The following STON2 variants were observed in gnomAD, a reference collection of about 807,000 sequenced individuals.
STON2 encodes the protein stonin 2.
Under a neutral mutation model 65.7 loss-of-function variants are expected in STON2, and 29 were observed. The ratio of observed to expected loss-of-function variants is 0.44; its 90% CI spans 0.33 to 0.60. The LOEUF (loss-of-function observed/expected upper bound fraction) is 0.60. Among genes scored for constraint, STON2 ranks in the 20% least tolerant of loss-of-function variants. The pLI is 0.03. For synonymous variants in STON2, 404 were observed against 414.2 expected (o/e 0.98, Z 0.30); for missense variants, 1,054 against 1,118.1 (o/e 0.94, Z 0.82).
intron 4 of STON2, among the ~76,000 whole-genome samples, chr14:81,366,233 G>C (rs971732810): frequency 6.6e-6 from 1 of 150,632 alleles, no homozygotes. Context: ...GCTGATCACA[G>C]AGTCTTTCCC....
intron 4 of STON2, among the ~76,000 whole-genome samples, chr14:81,340,737 G>A (rs563869477): frequency 2.0e-5 from 3 of 152,030 alleles, no homozygotes; most frequent in Non-Finnish European, 4.4e-5. Flanking sequence ...ACACCAACTC[G>A]CACTAACGGT....
At chr14:81,295,441 G>A (rs564788137) in intron 5 of STON2, among the ~76,000 whole-genome samples, 8 of 152,322 alleles carry the variant, frequency 5.3e-5, no homozygotes, top group South Asian at 2.1e-4. Flanking sequence ...ATGGATCTGC[G>A]TTGAGAGTCT....
intron 4 of STON2, among the ~76,000 whole-genome samples, chr14:81,350,302 C>T (rs1170712411): frequency 1.3e-5 from 2 of 152,076 alleles, no homozygotes; most frequent in Non-Finnish European, 2.9e-5. Context: ...TGTATTAAAA[C>T]ACCACATATA....
intron 4 of STON2, among the ~76,000 whole-genome samples, chr14:81,354,668 G>C (rs1898153298): frequency 1.3e-5 from 2 of 152,178 alleles, no homozygotes; most frequent in South Asian, 4.2e-4. Flanking sequence ...CAAAAAAATA[G>C]AAACAACAAC....
intron 1 of STON2, among the ~76,000 whole-genome samples, chr14:81,430,732 T>C (rs1021676393): frequency 1.3e-5 from 2 of 152,172 alleles, no homozygotes; most frequent in Non-Finnish European, 1.5e-5. Context: ...TGAAAAAACA[T>C]ATATATATGA....
At chr14:81,342,263 T>A (rs1320108750) in intron 4 of STON2, among the ~76,000 whole-genome samples, 1 of 151,960 alleles carries the variant, frequency 6.6e-6, no homozygotes, top group South Asian at 2.1e-4. Context: ...GCCTCCTGAG[T>A]AGCTGGGATT....
intron 1 of STON2, among the ~76,000 whole-genome samples, chr14:81,431,414 G>C (rs950647941): frequency 6.6e-6 from 1 of 152,162 alleles, no homozygotes; most frequent in African/African-American, 2.4e-5. Flanking sequence ...GAAGCAGGCG[G>C]ATCACTTGCG....
chr14:81,270,612 G>C (rs2140099649), intron 7 of STON2, 58 bp downstream of exon 7: 1 of 1,614,004 alleles, frequency 6.2e-7, no homozygotes. Flanking sequence ...AAGAGGGGGA[G>C]GGTAGTGGGG....
chr14:81,431,562 TG>T (rs1902226049), intron 1 of STON2, among the ~76,000 whole-genome samples: 1 of 152,086 alleles, frequency 6.6e-6, no homozygotes, highest in Non-Finnish European at 1.5e-5. Flanking sequence ...ACACATTACC[TG>T]AGATCAGGAG....
Position 81,262,093 on chromosome 14 carries a change from C to T in STON2, c.*6321G>A, listed in dbSNP as rs1894173348. 2.0e-6 allele frequency: 2 copies of T among 985,230 alleles called. No homozygotes were observed. The highest frequency in any genetic ancestry group is 1.7e-5 in the African/African-American group (1 of 57,290). 61.0% of individuals were successfully genotyped at this position (985,230 alleles called of 1,614,324 possible). ...ACCAATGGATATTTTGTAAAATAAC[C>T]CACAACTTTAGAGCTGGAAAGGACT... On this transcript the variant is annotated 3_prime_UTR_variant, in exon 8 of 8. Transcript: ENST00000614646.
chr14:81,288,230 G>A (rs1895415503), intron 5 of STON2, among the ~76,000 whole-genome samples: 1 of 152,168 alleles, frequency 6.6e-6, no homozygotes, highest in African/African-American at 2.4e-5. Context: ...ACTGTAGAGT[G>A]TATCGCCATT....
rs759299089 is a variant in STON2 at position 81,277,062 on chromosome 14, T to C, written c.2420A>G (p.Glu807Gly). The part of the protein sequence containing the change: ...KNFRRESVLG[E>G]KSLKAKVNRG... ...GTTCACTTTGGCTTTCAAAGACTTT[T>C]CCCCCAGGACACTTTCCCTGCGGAA... Residue 807 changes from glutamate to glycine, a missense_variant, in exon 6 of 8, where the codon GAA becomes GGA. Physicochemically the swap from Glu to Gly is moderately conservative, Grantham distance 98. Coordinates refer to ENST00000614646, the MANE Select transcript of STON2 (RefSeq NM_001394390.1). The C allele has an allele frequency of 6.2e-6, 10 of 1,614,116 alleles. No individual in the cohort carries two copies. Among genetic ancestry groups the C allele is most frequent in the Non-Finnish European group, 8.5e-6 (10 of 1,180,026 alleles).
chr14:81,355,414 ACAAAGGGGTCC>A (rs1201784894), intron 4 of STON2, among the ~76,000 whole-genome samples: 2 of 152,190 alleles, frequency 1.3e-5, no homozygotes, highest in Non-Finnish European at 2.9e-5. Flanking sequence ...TACATCACAT[ACAAAGGGGTCC>A]CAATACAACT....
intron 5 of STON2, among the ~76,000 whole-genome samples, chr14:81,281,084 C>A (rs1176602643): frequency 6.6e-6 from 1 of 151,122 alleles, no homozygotes; most frequent in East Asian, 1.9e-4. Context: ...TACATATACA[C>A]ATATCCATAC....
At chr14:81,416,342 G>A (rs1901430366) in intron 2 of STON2, among the ~76,000 whole-genome samples, 1 of 152,198 alleles carries the variant, frequency 6.6e-6, no homozygotes, top group Non-Finnish European at 1.5e-5. Flanking sequence ...ATGGCATTCA[G>A]GAAGTGAAAG....
chr14:81,307,096 G>C (rs544841217), intron 5 of STON2, among the ~76,000 whole-genome samples: 1 of 152,298 alleles, frequency 6.6e-6, no homozygotes, highest in East Asian at 1.9e-4. Flanking sequence ...TCATCTCAGT[G>C]ATCACTCCCT....
intron 4 of STON2, among the ~76,000 whole-genome samples, chr14:81,341,857 C>T (rs941455140): frequency 6.6e-6 from 1 of 152,154 alleles, no homozygotes; most frequent in Admixed American, 6.5e-5. Context: ...ATCTTCATGT[C>T]GTAAAATCAC....
intron 5 of STON2, chr14:81,323,442 C>T (rs1397627327): frequency 7.1e-6 from 1 of 141,740 alleles, no homozygotes; most frequent in Non-Finnish European, 1.5e-5. Context: ...TTTTTTCTTC[C>T]CATTAGCACC....
At chr14:81,356,177 G>T (rs7159591) in intron 4 of STON2, among the ~76,000 whole-genome samples, 3 of 152,026 alleles carry the variant, frequency 2.0e-5, no homozygotes, top group African/African-American at 7.3e-5. Context: ...TTTGAGATAC[G>T]TCCTATCAAT....
Sources: gnomAD v4.1 joint callset for allele counts (sites outside exome capture counted in the v4.1 genomes callset) on GRCh38, gnomAD v4.1.1 for gene constraint, MANE v1.5 for transcripts, NCBI Gene and HGNC (gene_info 2026-07-23, HGNC 2026-07-21) for gene names.